SCLT1: variants seen among roughly 807,000 people sequenced by gnomAD.
The protein encoded by SCLT1 is sodium channel-associated protein 1.
A neutral mutation model predicts 112.8 loss-of-function variants in SCLT1; 78 were observed. That is an observed-to-expected ratio of 0.69 (90% CI 0.58 to 0.83). The LOEUF (loss-of-function observed/expected upper bound fraction) is 0.83. Ranked by LOEUF, SCLT1 falls within the 40% of genes least tolerant of loss-of-function variation. The pLI, the probability that SCLT1 is intolerant of heterozygous loss-of-function variation, is 0.00. For synonymous variants in SCLT1, 257 were observed against 254.7 expected, an observed-to-expected ratio of 1.01 and a Z score of -0.09; for missense variants, 747 against 770.4, an observed-to-expected ratio of 0.97 and a Z score of 0.36.
intron 1 of SCLT1, among the ~76,000 whole-genome samples, chr4:129,083,314 C>T (rs1412995681): frequency 2.0e-5 from 3 of 151,646 alleles, no homozygotes; most frequent in Admixed American, 6.6e-5. Flanking sequence ...TGCAATCACA[C>T]GTTCTTTTCA....
At chr4:128,928,606 TG>T (rs1736491596) in intron 18 of SCLT1, among the ~76,000 whole-genome samples, 4 of 152,128 alleles carry the variant, frequency 2.6e-5, no homozygotes, top group African/African-American at 9.7e-5. Context: ...CCGAGGCAGG[TG>T]GATCACCTGT....
chr4:129,061,617 T>C (rs1248376932), intron 2 of SCLT1, among the ~76,000 whole-genome samples: 2 of 152,078 alleles, frequency 1.3e-5, no homozygotes, highest in East Asian at 3.9e-4. Flanking sequence ...GGTGCTGTTC[T>C]CATAGGAGAC....
chr4:129,012,874 T>C (rs1195995904), intron 5 of SCLT1, among the ~76,000 whole-genome samples: 1 of 152,142 alleles, frequency 6.6e-6, no homozygotes, highest in East Asian at 1.9e-4. Flanking sequence ...TTAGTAAATC[T>C]TCCTCCATCC....
intron 15 of SCLT1, among the ~76,000 whole-genome samples, chr4:128,948,078 T>C (rs1474663967): frequency 1.3e-5 from 2 of 151,876 alleles, no homozygotes; most frequent in Non-Finnish European, 2.9e-5. Flanking sequence ...AGACTCTGAA[T>C]ATATTTAAGA....
chr4:128,891,929 G>A (rs1733359349), intron 18 of SCLT1, among the ~76,000 whole-genome samples: 6 of 152,150 alleles, frequency 3.9e-5, no homozygotes, highest in Admixed American at 1.3e-4. Context: ...ATAGGCATGA[G>A]CCACTGTGCC....
chr4:128,929,856 T>A (rs571886783), intron 18 of SCLT1, among the ~76,000 whole-genome samples: 1 of 152,354 alleles, frequency 6.6e-6, no homozygotes, highest in African/African-American at 2.4e-5. Context: ...CATGGTGTTA[T>A]AACAAAATAC....
At chr4:128,881,866 C>A (rs1440173459), downstream of SCLT1, among the ~76,000 whole-genome samples, 1 of 152,114 alleles carries the variant, frequency 6.6e-6, no homozygotes, top group Non-Finnish European at 1.5e-5. Flanking sequence ...ATAGCTTAAG[C>A]CTGTTCAAAT....
chr4:128,996,955 T>C (rs1028061058), intron 8 of SCLT1, among the ~76,000 whole-genome samples: 3 of 151,996 alleles, frequency 2.0e-5, no homozygotes, highest in African/African-American at 7.2e-5. Flanking sequence ...ATTATGATGC[T>C]AGGTTAAAGT....
At chr4:128,967,032 G>C (rs1579536196) in intron 10 of SCLT1, among the ~76,000 whole-genome samples, 2 of 151,952 alleles carry the variant, frequency 1.3e-5, no homozygotes, top group East Asian at 3.9e-4. Flanking sequence ...CTCCAGTAGG[G>C]CCAGTGTATA....
intron 5 of SCLT1, among the ~76,000 whole-genome samples, chr4:129,004,363 C>T (rs905753960): frequency 2.0e-5 from 3 of 151,968 alleles, no homozygotes; most frequent in East Asian, 1.9e-4. Flanking sequence ...AGAAAATGGT[C>T]GCTGGCTATA....
chr4:128,986,913 G>A (rs893983055), intron 9 of SCLT1, among the ~76,000 whole-genome samples: 12 of 152,094 alleles, frequency 7.9e-5, no homozygotes, highest in African/African-American at 2.2e-4. Flanking sequence ...GAGTGGGCAC[G>A]TCACCTCTCC....
Position 128,934,677 on chromosome 4 carries a change from A to G in SCLT1, c.1829+1978T>C, listed in dbSNP as rs547779095. ...GTTTGTTACTGGTATGAAGATTACAAACGGTTTTTCTATATTCACTTAATA... is the reference window on the plus strand; with the variant it reads ...GTTTGTTACTGGTATGAAGATTACAGACGGTTTTTCTATATTCACTTAATA... On this transcript the variant is annotated intron_variant, in intron 18 of 20. Coordinates refer to ENST00000281142, the MANE Select transcript of SCLT1 (RefSeq NM_144643.4). Among the ~76,000 whole-genome samples, 3 of 152,056 alleles carry G rather than the reference A, an allele frequency of 2.0e-5. No homozygotes were observed. In the South Asian group the frequency reaches 6.2e-4, roughly 31 times the overall value.
At chr4:128,891,440 C>A (rs952311214) in intron 18 of SCLT1, among the ~76,000 whole-genome samples, 3 of 151,704 alleles carry the variant, frequency 2.0e-5, no homozygotes, top group East Asian at 3.9e-4. Flanking sequence ...AATTTTATCA[C>A]AATTAAAATG....
chr4:128,983,908 T>A (rs1009253644), intron 9 of SCLT1, among the ~76,000 whole-genome samples: 1 of 152,152 alleles, frequency 6.6e-6, no homozygotes, highest in African/African-American at 2.4e-5. Flanking sequence ...TAAATTCTGG[T>A]AATGTCAATA....
At chr4:129,022,942 G>C (rs577218609) in intron 5 of SCLT1, among the ~76,000 whole-genome samples, 1 of 152,292 alleles carries the variant, frequency 6.6e-6, no homozygotes, top group African/African-American at 2.4e-5. Context: ...ACTAACAGCA[G>C]ATCTCTCTGC....
At chr4:129,005,433 C>A (rs1054326878) in intron 5 of SCLT1, among the ~76,000 whole-genome samples, 6 of 152,130 alleles carry the variant, frequency 3.9e-5, no homozygotes, top group Non-Finnish European at 5.9e-5. Flanking sequence ...CATCACTGGC[C>A]ATCAGAGAAA....
intron 5 of SCLT1, among the ~76,000 whole-genome samples, chr4:129,038,742 T>G (rs1684800847): frequency 6.6e-6 from 1 of 152,080 alleles, no homozygotes. Context: ...TTGCTAATAT[T>G]GGTAAGGTGA....
At chr4:128,952,530 T>C (rs1032051007) in intron 14 of SCLT1, 3 of 564,816 alleles carry the variant, frequency 5.3e-6, no homozygotes, top group African/African-American at 1.9e-5. Context: ...TCCTGTGCAT[T>C]CTCTGTCAAA....
intron 18 of SCLT1, among the ~76,000 whole-genome samples, chr4:128,931,709 G>T (rs1412708951): frequency 6.6e-6 from 1 of 152,144 alleles, no homozygotes; most frequent in Non-Finnish European, 1.5e-5. Context: ...TGATCAGCCC[G>T]CCTCGGCCTC....
Sources: allele counts gnomAD v4.1 joint callset (sites outside exome capture counted in the v4.1 genomes callset), GRCh38; gene constraint gnomAD v4.1.1; transcripts MANE v1.5; gene names NCBI Gene and HGNC (gene_info 2026-07-23, HGNC 2026-07-21).